The following MYL1 variants were observed in gnomAD, a reference collection of about 807,000 sequenced individuals.
MYL1 encodes the protein myosin light chain 1, also known as myosin light chain 1/3, skeletal muscle isoform.
Under a neutral mutation model 21.8 loss-of-function variants are expected in MYL1, and 16 were observed. The ratio of observed to expected loss-of-function variants is 0.74; its 90% CI spans 0.50 to 1.12. The LOEUF is 1.12. Among genes scored for constraint, MYL1 ranks in the 50% most tolerant of loss-of-function variants. MYL1 has a pLI of 0.00. For missense variants in MYL1, 246 were observed against 241.0 expected (o/e 1.02, Z -0.14); for synonymous variants, 99 against 85.2 (o/e 1.16, Z -0.89).
intron 1 of MYL1, chr2:210,303,605 G>T: frequency 2.5e-6 from 4 of 1,595,416 alleles, no homozygotes; most frequent in East Asian, 2.3e-5. Context: ...GGGCTGCTCC[G>T]GTCCCTGAGT....
chr2:210,297,296 G>A (rs1339985660), intron 3 of MYL1, among the ~76,000 whole-genome samples: 1 of 151,894 alleles, frequency 6.6e-6, no homozygotes, highest in East Asian at 1.9e-4. Context: ...GTATATAAAA[G>A]TTCCCCTTTC....
chr2:210,292,742 T>C (rs906580085), intron 5 of MYL1, among the ~76,000 whole-genome samples: 2 of 152,214 alleles, frequency 1.3e-5, no homozygotes, highest in Non-Finnish European at 2.9e-5. Context: ...TTTGTGCTCT[T>C]TATGTTTTTA....
intron 2 of MYL1, among the ~76,000 whole-genome samples, chr2:210,299,211 C>A (rs1172452284): frequency 1.3e-5 from 2 of 152,106 alleles, no homozygotes. Flanking sequence ...CTGTGATAAT[C>A]TCTTTATACT....
chr2:210,315,057 G>A lies in MYL1; in HGVS notation c.-15C>T, dbSNP rs375080949. ...TTTGGTGCCATTTTTTTTTTTAAAA[G>A]GGTGGGTTAAAAAGAGAAGGAGTTC... On this transcript the variant is annotated 5_prime_UTR_variant, in exon 1 of 7. Transcript: ENST00000352451. The A allele has an allele frequency of 5.8e-5, 92 of 1,592,742 alleles. No individual in the cohort carries two copies. Among genetic ancestry groups the A allele is most frequent in the South Asian group, 8.1e-5 (7 of 86,270 alleles).
rs148686005 is a variant in MYL1 at position 210,314,983 on chromosome 2, C to T, written c.60G>A (p.Pro20=). ...PVAAAAAAPA[P]APAPAPAPAP... The stretch of plus-strand genomic sequence containing the variant: ...CAGGGGCAGGTGCAGGTGCCGGTGC[C>T]GGGGCTGGGGCAGCCGCAGCCGCAG... Residue 20 remains proline, a synonymous_variant, in exon 1 of 7, where the codon CCG becomes CCA. Transcript: ENST00000352451. 133 of 1,611,562 alleles carry T rather than the reference C, an allele frequency of 8.3e-5. No individual in the cohort carries two copies. Among genetic ancestry groups the T allele is most frequent in the Non-Finnish European group, 9.9e-5 (117 of 1,179,188 alleles).
chr2:210,315,158 G>A lies in MYL1; in HGVS notation c.-116C>T. 8.0e-7 allele frequency: 1 copy of A among 1,249,968 alleles called. No individual in the cohort carries two copies. The highest frequency in any genetic ancestry group is 1.1e-6 in the Non-Finnish European group (1 of 887,846). 77.4% of individuals were successfully genotyped at this position (1,249,968 alleles called of 1,614,324 possible). A position where few individuals can be genotyped will look rare whatever the true frequency, so the allele number is the denominator to read the frequency against. On this transcript the variant is annotated 5_prime_UTR_variant, in exon 1 of 7. Transcript: ENST00000352451. Reference sequence around the variant, plus strand: ...TTGATCCACAGCCCAGTGTCTTGAAGATGGACCCAGAGTGTTAAACGGCAT... The same window carrying A: ...TTGATCCACAGCCCAGTGTCTTGAAAATGGACCCAGAGTGTTAAACGGCAT...
rs72998411 is a variant in MYL1 at position 210,312,747 on chromosome 2, C to T, written c.132+2164G>A. 8.3e-3 allele frequency among the ~76,000 whole-genome samples: 1,256 copies of T among 151,678 alleles called. 13 individuals carry two copies. The highest frequency in any genetic ancestry group is 0.065 in the Middle Eastern group (19 of 294). ...AAGGTTATTTTTTTTCCTGTTTCTTCCAGATTCATTTAACTTCTTTTTGAT... is the reference window on the plus strand; with the variant it reads ...AAGGTTATTTTTTTTCCTGTTTCTTTCAGATTCATTTAACTTCTTTTTGAT... On this transcript the variant is annotated intron_variant, in intron 1 of 6. Coordinates refer to ENST00000352451, the MANE Select transcript of MYL1 (RefSeq NM_079420.3).
At chr2:210,299,315 T>C (rs927863563) in intron 2 of MYL1, among the ~76,000 whole-genome samples, 4 of 152,166 alleles carry the variant, frequency 2.6e-5, no homozygotes, top group Non-Finnish European at 5.9e-5. Context: ...TGGAGAAAAT[T>C]GTAGATTCAC....
At chr2:210,291,204 T>C in intron 5 of MYL1, 130 bp from the exon 6 acceptor site, 1 of 732,368 alleles carries the variant, frequency 1.4e-6, no homozygotes, top group Non-Finnish European at 2.3e-6. Flanking sequence ...CTTTTGTATT[T>C]AAGGTGTGTA....
chr2:210,306,022 T>A (rs1261666235), intron 1 of MYL1, among the ~76,000 whole-genome samples: 1 of 151,296 alleles, frequency 6.6e-6, no homozygotes, highest in Non-Finnish European at 1.5e-5. Context: ...ATCGTGCCAT[T>A]GCACTCCAAC....
intron 3 of MYL1, among the ~76,000 whole-genome samples, chr2:210,297,962 A>G (rs1187092246): frequency 6.6e-6 from 1 of 152,110 alleles, no homozygotes; most frequent in African/African-American, 2.4e-5. Context: ...AATTGTTTAT[A>G]AAGTGTTTTA....
chr2:210,305,015 A>C lies in MYL1; in HGVS notation c.133-2500T>G, dbSNP rs539035056. 2.4e-4 allele frequency among the ~76,000 whole-genome samples: 36 copies of C among 152,360 alleles called. No homozygotes were observed. The South Asian group carries it at 4.6e-3, about 19-fold the overall frequency. On this transcript the variant is annotated intron_variant, in intron 1 of 6. Coordinates refer to ENST00000352451, the MANE Select transcript of MYL1 (RefSeq NM_079420.3). ...CACACAAAATATTTATCAGTTTTCT[A>C]CATGTTTAAAGCAGCTCACAGGCAT...
Position 210,315,011 on chromosome 2 carries a change from A to G in MYL1, c.32T>C (p.Val11Ala), listed in dbSNP as rs62001905. 7.3e-3 allele frequency: 11,732 copies of G among 1,604,542 alleles called. 432 individuals carry two copies. In the African/African-American group the frequency reaches 0.086, roughly 12 times the overall value. Residue 11 changes from valine to alanine, a missense_variant, in exon 1 of 7, where the codon GTG (valine) becomes GCG (alanine). Val to Ala is a moderately conservative substitution (Grantham distance 64). Transcript: ENST00000352451. MAPKKDVKKP[V>A]AAAAAAPAPA... ...GGCTGGGGCAGCCGCAGCCGCAGCCACAGGTTTCTTCACGTCTTTCTTTGG... is the reference window on the plus strand; with the variant it reads ...GGCTGGGGCAGCCGCAGCCGCAGCCGCAGGTTTCTTCACGTCTTTCTTTGG...
intron 2 of MYL1, among the ~76,000 whole-genome samples, chr2:210,300,368 A>G (rs1690245752): frequency 6.6e-6 from 1 of 152,010 alleles, no homozygotes; most frequent in Non-Finnish European, 1.5e-5. Flanking sequence ...TGGTTATACT[A>G]TTTTCCAGGG....
intron 5 of MYL1, 50 bp downstream of exon 5, chr2:210,293,673 A>C: frequency 6.7e-7 from 1 of 1,496,894 alleles, no homozygotes; most frequent in Non-Finnish European, 9.3e-7. Context: ...GCCCATCATC[A>C]ATCTGATCAG....
chr2:210,292,985 T>G (rs1473326436), intron 5 of MYL1, among the ~76,000 whole-genome samples: 2 of 152,166 alleles, frequency 1.3e-5, no homozygotes, highest in Non-Finnish European at 2.9e-5. Flanking sequence ...CTTTTTGTCC[T>G]CTTCTCCCTC....
At chr2:210,308,845 A>G (rs921109882) in intron 1 of MYL1, among the ~76,000 whole-genome samples, 1 of 127,010 alleles carries the variant, frequency 7.9e-6, no homozygotes. Context: ...GTAATTTCTT[A>G]AAAACCTACG....
intron 1 of MYL1, chr2:210,303,069 T>C: frequency 2.1e-6 from 1 of 469,188 alleles, no homozygotes; most frequent in Non-Finnish European, 3.8e-6. Flanking sequence ...ATATGTCTAA[T>C]AAGATACACG....
intron 1 of MYL1, among the ~76,000 whole-genome samples, chr2:210,314,597 A>G (rs1690461917): frequency 6.6e-6 from 1 of 152,204 alleles, no homozygotes; most frequent in Non-Finnish European, 1.5e-5. Flanking sequence ...ACTGGTTTAA[A>G]TATTCTTAAA....
Sources: gnomAD v4.1 joint callset for allele counts (sites outside exome capture counted in the v4.1 genomes callset) on GRCh38, gnomAD v4.1.1 for gene constraint, MANE v1.5 for transcripts, NCBI Gene and HGNC (gene_info 2026-07-23, HGNC 2026-07-21) for gene names.